IKBKB: variants seen among roughly 807,000 people sequenced by gnomAD.
IKBKB encodes inhibitor of nuclear factor kappa B kinase subunit beta.
Under a neutral mutation model 113.6 loss-of-function variants are expected in IKBKB, and 42 were observed. That is an observed-to-expected ratio of 0.37 (90% CI 0.29 to 0.48). IKBKB has a LOEUF of 0.48. Among genes scored for constraint, IKBKB ranks in the 20% least tolerant of loss-of-function variants. IKBKB has a pLI of 0.99. For synonymous variants in IKBKB, 296 were observed against 361.3 expected (o/e 0.82, Z 2.05); for missense variants, 673 against 939.7 (o/e 0.72, Z 3.71).
intron 1 of IKBKB, chr8:42,271,783 C>T: frequency 3.9e-6 from 2 of 510,646 alleles, no homozygotes; most frequent in Non-Finnish European, 6.9e-6. Flanking sequence ...GGCCCGGGCG[C>T]CCCTGGTGGA....
intron 21 of IKBKB, chr8:42,329,943 A>G (rs1032477183): frequency 2.0e-6 from 2 of 985,434 alleles, no homozygotes; most frequent in Non-Finnish European, 2.4e-6. Context: ...AAGGGATACC[A>G]CTGTGAATTG....
chr8:42,305,801 A>C (rs150553575), intron 6 of IKBKB, among the ~76,000 whole-genome samples: 177 of 152,230 alleles, frequency 1.2e-3, no homozygotes, highest in African/African-American at 3.8e-3. Context: ...GTCTTTACCC[A>C]CCCACTCTAT....
intron 5 of IKBKB, among the ~76,000 whole-genome samples, chr8:42,301,635 A>G (rs1250452627): frequency 6.6e-6 from 1 of 152,270 alleles, no homozygotes; most frequent in African/African-American, 2.4e-5. Flanking sequence ...ATTGAAGAAT[A>G]GATGACCACC....
At chr8:42,299,711 G>GCTGGC (rs1814753139) in intron 5 of IKBKB, among the ~76,000 whole-genome samples, 2 of 152,318 alleles carry the variant, frequency 1.3e-5, no homozygotes, top group South Asian at 4.1e-4. Context: ...CCTGTCCCTT[G>GCTGGC]CTGGCCTTGC....
intron 2 of IKBKB, among the ~76,000 whole-genome samples, chr8:42,288,380 C>T (rs1371015390): frequency 9.8e-6 from 1 of 101,818 alleles, no homozygotes; most frequent in East Asian, 3.4e-4. Context: ...GAGCAAGACT[C>T]CATCTCAAAC....
chr8:42,323,454 G>A (rs1439844738), intron 19 of IKBKB, among the ~76,000 whole-genome samples: 1 of 152,224 alleles, frequency 6.6e-6, no homozygotes, highest in Non-Finnish European at 1.5e-5. Context: ...GGGCAGGCCT[G>A]GCCGTGTTGT....
intron 8 of IKBKB, 125 bp downstream of exon 8, chr8:42,309,150 G>A (rs890186011): frequency 3.5e-6 from 4 of 1,127,196 alleles, no homozygotes; most frequent in Non-Finnish European, 5.1e-6. Flanking sequence ...CTTCCGAGAG[G>A]AAGGCCTGTC....
At chr8:42,309,762 A>C (rs1237590628) in intron 8 of IKBKB, 6 of 152,620 alleles carry the variant, frequency 3.9e-5, no homozygotes, top group Admixed American at 3.9e-4. Flanking sequence ...AAAAAAAAAA[A>C]CAACAGCTGA....
Position 42,316,983 on chromosome 8 carries a change from A to C in IKBKB, c.1125+79A>C. On this transcript the variant is annotated intron_variant, in intron 11 of 21. Transcript: ENST00000520810. This position sits in a 1 kb window ranked among gnomAD's most constrained non-coding sequence, Gnocchi z 4.5. ...GAAACTCAACACACTTTCAGATTTC[A>C]ATTCTGCTTTGTCATGTAGTCTGTT... 1.5e-6 allele frequency: 2 copies of C among 1,343,256 alleles called. No homozygotes were observed. The highest frequency in any genetic ancestry group is 2.1e-6 in the Non-Finnish European group (2 of 954,668). 83.2% of individuals were successfully genotyped at this position (1,343,256 alleles called of 1,614,324 possible).
chr8:42,274,794 C>T (rs918793188), intron 2 of IKBKB, among the ~76,000 whole-genome samples: 1 of 82,988 alleles, frequency 1.2e-5, no homozygotes, highest in African/African-American at 2.9e-5. Flanking sequence ...GCGCCCCCCC[C>T]CCCCCCCGCC....
rs111757571 is a variant in IKBKB at position 42,299,202 on chromosome 8, C to T, written c.388+5690C>T. ...TGCCCGCTGCCCAGGACCAAGTGTC[C>T]GTGTCGAACCTGGTCTCACAGAGTC... On this transcript the variant is annotated intron_variant, in intron 5 of 21. Coordinates refer to ENST00000520810, the MANE Select transcript of IKBKB (RefSeq NM_001556.3). 4.5e-4 allele frequency among the ~76,000 whole-genome samples: 69 copies of T among 152,284 alleles called. 2 individuals are homozygous for T. The highest frequency in any genetic ancestry group is 1.5e-3 in the African/African-American group (61 of 41,572).
chr8:42,329,061 T>C lies in IKBKB; in HGVS notation c.2115-63T>C, dbSNP rs2272732. 0.84 allele frequency: 1,015,782 copies of C among 1,206,208 alleles called. 438,255 individuals carry two copies. Among genetic ancestry groups the C allele is most frequent in the Non-Finnish European group, 0.89 (743,621 of 839,862 alleles). The allele number at this position is 1,206,208 out of a possible 1,614,324, so 74.7% of individuals were successfully genotyped here. ...CAAAACTCTCTAGCATATTTTAAAA[T>C]AGCAGTGTTAGCTCTGATAACTAAT... is the stretch of plus-strand genomic sequence containing the variant. On this transcript the variant is annotated intron_variant, in intron 20 of 21. Transcript: ENST00000520810.
At chr8:42,326,151 C>G in intron 20 of IKBKB, 54 bp downstream of exon 20, 1 of 1,604,896 alleles carries the variant, frequency 6.2e-7, no homozygotes, top group East Asian at 2.2e-5. Context: ...GTCAGGAGAT[C>G]GGGGATGGAG....
intron 5 of IKBKB, among the ~76,000 whole-genome samples, chr8:42,301,451 GT>G (rs1379268081): frequency 1.3e-5 from 2 of 152,172 alleles, no homozygotes; most frequent in African/African-American, 4.8e-5. Flanking sequence ...CTGAAGTACT[GT>G]TTTGTAAAAT....
At chr8:42,305,764 T>A (rs900529397) in intron 6 of IKBKB, among the ~76,000 whole-genome samples, 1 of 152,230 alleles carries the variant, frequency 6.6e-6, no homozygotes, top group African/African-American at 2.4e-5. Context: ...GACGTGGTGT[T>A]GACTGCCCCA....
intron 2 of IKBKB, among the ~76,000 whole-genome samples, chr8:42,283,286 A>G (rs4560769): frequency 0.27 from 40,745 of 152,056 alleles, 11,202 homozygotes; most frequent in African/African-American, 0.71. Flanking sequence ...TTCATTTATG[A>G]TAGGTAGAAT....
intron 2 of IKBKB, among the ~76,000 whole-genome samples, chr8:42,287,127 G>C (rs1044456615): frequency 6.6e-6 from 1 of 152,204 alleles, no homozygotes; most frequent in African/African-American, 2.4e-5. Context: ...CAGCTGGAGT[G>C]CCCGAGGCCA....
At chr8:42,296,448 G>A (rs934080814) in intron 5 of IKBKB, among the ~76,000 whole-genome samples, 1 of 152,188 alleles carries the variant, frequency 6.6e-6, no homozygotes, top group Non-Finnish European at 1.5e-5. Flanking sequence ...TGGCCAACAT[G>A]GTGAAACCCC....
intron 5 of IKBKB, among the ~76,000 whole-genome samples, chr8:42,304,863 G>C (rs1251115976): frequency 6.6e-6 from 1 of 152,234 alleles, no homozygotes; most frequent in Non-Finnish European, 1.5e-5. Context: ...TGAATCCAGA[G>C]GTCTCAGGTG....
Sources: gnomAD v4.1 joint callset for allele counts (sites outside exome capture counted in the v4.1 genomes callset) on GRCh38, gnomAD v4.1.1 for gene constraint, Gnocchi (gnomAD v3.1) non-coding constraint, MANE v1.5 for transcripts, NCBI Gene and HGNC (gene_info 2026-07-23, HGNC 2026-07-21) for gene names.